MMP26: variants seen among roughly 807,000 people sequenced by gnomAD.
The protein encoded by MMP26 is matrix metalloproteinase-26.
MMP26 carries 33 observed loss-of-function variants against 31.0 expected under a neutral mutation model. The ratio of observed to expected loss-of-function variants is 1.06; its 90% CI spans 0.81 to 1.42. MMP26 has a LOEUF of 1.42. Ranked by LOEUF, MMP26 falls within the 40% of genes most tolerant of loss-of-function variation. The probability of loss-of-function intolerance (pLI) is 0.00; values close to 1 mark genes in which losing one functional copy is unlikely to be tolerated. For missense variants in MMP26, 347 were observed against 316.1 expected, an observed-to-expected ratio of 1.10 and a Z score of -0.74; for synonymous variants, 122 against 114.9, an observed-to-expected ratio of 1.06 and a Z score of -0.40.
chr11:4,889,275 C>T (rs1343295621), intron 2 of MMP26, among the ~76,000 whole-genome samples: 3 of 152,174 alleles, frequency 2.0e-5, no homozygotes, highest in African/African-American at 7.2e-5. Flanking sequence ...CTTACCTACA[C>T]ACATCCTCCC....
At position 4,948,151 on chromosome 11, in the gene MMP26, G is replaced by A. The variant is rs1173672821; in HGVS notation, c.-144-39917G>A. 2.4e-5 allele frequency among the ~76,000 whole-genome samples: 3 copies of A among 124,510 alleles called. 1 individual carries two copies. The highest frequency in any genetic ancestry group is 5.5e-5 in the Non-Finnish European group (3 of 54,894). 81.7% of individuals were successfully genotyped at this position (124,510 alleles called of 152,430 possible). ...TTTTCTCCCTTACCAAATCTTCCCT[G>A]TTTAAGGGACCTACTTCGGTAATAA... On this transcript the variant is annotated intron_variant, in intron 2 of 7. Transcript: ENST00000380390.
chr11:4,834,357 C>T (rs971183741), intron 2 of MMP26, among the ~76,000 whole-genome samples: 5 of 152,132 alleles, frequency 3.3e-5, no homozygotes, highest in Non-Finnish European at 7.4e-5. Context: ...TCTCACCTCT[C>T]ACTTTATGGC....
At chr11:4,881,938 C>G in intron 2 of MMP26, 1 of 1,613,778 alleles carries the variant, frequency 6.2e-7, no homozygotes, top group Non-Finnish European at 8.5e-7. Flanking sequence ...CTTCCTCAAA[C>G]TTCCTCCTCA....
At chr11:4,901,668 C>T (rs796873289) in intron 2 of MMP26, among the ~76,000 whole-genome samples, 3 of 152,120 alleles carry the variant, frequency 2.0e-5, no homozygotes, top group Admixed American at 6.5e-5. Context: ...GAGAGGCTGT[C>T]GCAATTTTTC....
intron 1 of MMP26, among the ~76,000 whole-genome samples, chr11:4,747,590 T>C (rs1848397431): frequency 6.6e-6 from 1 of 152,128 alleles, no homozygotes; most frequent in Non-Finnish European, 1.5e-5. Flanking sequence ...TTTTTTTGTA[T>C]ATTAATATTT....
At chr11:4,901,449 C>T (rs1197142547) in intron 2 of MMP26, among the ~76,000 whole-genome samples, 2 of 152,010 alleles carry the variant, frequency 1.3e-5, no homozygotes, top group Non-Finnish European at 1.5e-5. Context: ...TGTGAGCCAC[C>T]ATGCCCGGCC....
chr11:4,896,977 T>C (rs1427696867), intron 2 of MMP26, among the ~76,000 whole-genome samples: 1 of 152,172 alleles, frequency 6.6e-6, no homozygotes, highest in East Asian at 1.9e-4. Flanking sequence ...TAGTATGTCT[T>C]ACTTTAAAGT....
At chr11:4,947,157 G>A in intron 2 of MMP26, 2 of 1,105,754 alleles carry the variant, frequency 1.8e-6, no homozygotes, top group Non-Finnish European at 2.5e-6. Context: ...GGTAAAATAG[G>A]AATATCTGTA....
At chr11:4,818,938 A>G (rs1173121844) in intron 2 of MMP26, among the ~76,000 whole-genome samples, 2 of 152,220 alleles carry the variant, frequency 1.3e-5, no homozygotes, top group Non-Finnish European at 2.9e-5. Context: ...ACTCAGATAA[A>G]GACAAGCTGG....
intron 1 of MMP26, among the ~76,000 whole-genome samples, chr11:4,749,492 A>G (rs1848421020): frequency 6.6e-6 from 1 of 152,242 alleles, no homozygotes; most frequent in African/African-American, 2.4e-5. Flanking sequence ...CAAAAAGAAC[A>G]AAGTTGTAGG....
At chr11:4,821,438 A>G in intron 2 of MMP26, 1 of 1,613,924 alleles carries the variant, frequency 6.2e-7, no homozygotes, top group Non-Finnish European at 8.5e-7. Context: ...GTCCTCAATA[A>G]TACCATTGCT....
intron 1 of MMP26, among the ~76,000 whole-genome samples, chr11:4,719,761 G>C (rs1847986179): frequency 6.6e-6 from 1 of 152,160 alleles, no homozygotes; most frequent in Non-Finnish European, 1.5e-5. Context: ...TCCTTTGATA[G>C]TCATGATGAT....
chr11:4,854,838 C>CTT lies in MMP26; in HGVS notation c.-145+87497_-145+87498insTT, dbSNP rs571874229. On this transcript the variant is annotated intron_variant, in intron 2 of 7. Coordinates refer to ENST00000380390, the MANE Select transcript of MMP26 (RefSeq NM_021801.5). ...AGTAGGGGCCAACTGACACCTCTTA[C>CTT]AGCTGGTTGCCCCTCTGAGACGAAG... Among the ~76,000 whole-genome samples, 4 of 152,202 alleles carry CTT rather than the reference C, an allele frequency of 2.6e-5. No homozygotes were observed. The South Asian group carries it at 8.3e-4, about 32-fold the overall frequency.
At chr11:4,732,193 A>G (rs1361267099) in intron 1 of MMP26, among the ~76,000 whole-genome samples, 6 of 152,040 alleles carry the variant, frequency 3.9e-5, no homozygotes, top group Admixed American at 1.3e-4. Flanking sequence ...TCTCCTGTAC[A>G]TATTTTGGGC....
chr11:4,771,309 C>G (rs1316059740), intron 2 of MMP26, among the ~76,000 whole-genome samples: 1 of 152,162 alleles, frequency 6.6e-6, no homozygotes, highest in Non-Finnish European at 1.5e-5. Flanking sequence ...TGAGGACCAT[C>G]ATTTGCACTG....
intron 1 of MMP26, among the ~76,000 whole-genome samples, chr11:4,720,294 C>T (rs1021404704): frequency 2.0e-5 from 3 of 152,128 alleles, no homozygotes; most frequent in Admixed American, 6.5e-5. Flanking sequence ...GCTAAACAAG[C>T]GTGTTCCTGC....
intron 2 of MMP26, chr11:4,908,161 C>G: frequency 6.2e-7 from 1 of 1,614,180 alleles, no homozygotes; most frequent in Non-Finnish European, 8.5e-7. Flanking sequence ...ATCACTTTGC[C>G]AAGCACAAAA....
At chr11:4,780,975 C>A (rs1848851166) in intron 2 of MMP26, among the ~76,000 whole-genome samples, 1 of 151,930 alleles carries the variant, frequency 6.6e-6, no homozygotes, top group Non-Finnish European at 1.5e-5. Context: ...AAACTTGATG[C>A]ATGAAATAAA....
intron 2 of MMP26, chr11:4,924,343 T>C: frequency 6.3e-7 from 1 of 1,590,112 alleles, no homozygotes; most frequent in Non-Finnish European, 8.5e-7. Flanking sequence ...TTGTCATAGC[T>C]TTACAATCTT....
Sources: allele counts gnomAD v4.1 joint callset (sites outside exome capture counted in the v4.1 genomes callset), GRCh38; gene constraint gnomAD v4.1.1; transcripts MANE v1.5; gene names NCBI Gene and HGNC (gene_info 2026-07-23, HGNC 2026-07-21).